Variants in CDH13 observed in about 807,000 individuals in gnomAD.
The protein encoded by CDH13 is cadherin 13.
Under a neutral mutation model 63.8 loss-of-function variants are expected in CDH13, and 24 were observed. The observed-to-expected ratio is 0.38, with a 90% CI of 0.27 to 0.53. CDH13 has a LOEUF of 0.53. Among genes scored for constraint, CDH13 ranks in the 20% least tolerant of loss-of-function variants. The pLI, the probability that CDH13 is intolerant of heterozygous loss-of-function variation, is 0.85. For missense variants in CDH13, 1,049 were observed against 903.1 expected (o/e 1.16, Z -2.07); for synonymous variants, 503 against 355.3 (o/e 1.42, Z -4.67).
At chr16:83,098,361 C>G (rs994201777) in intron 3 of CDH13, among the ~76,000 whole-genome samples, 5 of 152,132 alleles carry the variant, frequency 3.3e-5, no homozygotes, top group South Asian at 2.1e-4. Context: ...CATTACATTG[C>G]TATTATTTTT....
intron 1 of CDH13, among the ~76,000 whole-genome samples, chr16:82,810,074 T>G (rs1032809204): frequency 5.9e-5 from 9 of 152,168 alleles, no homozygotes; most frequent in Non-Finnish European, 1.0e-4. Context: ...TGATTAGGAA[T>G]TACTTAGTTG....
chr16:83,733,415 A>G (rs1597144658), intron 10 of CDH13, among the ~76,000 whole-genome samples: 1 of 152,108 alleles, frequency 6.6e-6, no homozygotes, highest in South Asian at 2.1e-4. Context: ...GTCTCTATAG[A>G]CGGTTGTCTA....
intron 1 of CDH13, among the ~76,000 whole-genome samples, chr16:82,784,314 G>C (rs938376694): frequency 2.6e-5 from 4 of 152,176 alleles, no homozygotes; most frequent in Admixed American, 6.5e-5. Flanking sequence ...CGCAGCATGT[G>C]GGAGAGGTTC....
chr16:83,078,059 C>G (rs375684099), intron 3 of CDH13, among the ~76,000 whole-genome samples: 1 of 152,162 alleles, frequency 6.6e-6, no homozygotes, highest in Non-Finnish European at 1.5e-5. Context: ...AAACTTGCAT[C>G]CTCCATCTGA....
At chr16:83,410,422 G>C (rs1195513693) in intron 6 of CDH13, among the ~76,000 whole-genome samples, 1 of 152,062 alleles carries the variant, frequency 6.6e-6, no homozygotes, top group South Asian at 2.1e-4. Flanking sequence ...AATTCATGTT[G>C]CATTTCTAAG....
intron 6 of CDH13, among the ~76,000 whole-genome samples, chr16:83,458,984 A>T (rs2073098818): frequency 6.6e-6 from 1 of 152,218 alleles, no homozygotes; most frequent in African/African-American, 2.4e-5. Flanking sequence ...ACAATTTTTC[A>T]TGGGGTTTTT....
At chr16:83,470,248 T>C (rs1044291260) in intron 6 of CDH13, among the ~76,000 whole-genome samples, 1 of 152,138 alleles carries the variant, frequency 6.6e-6, no homozygotes, top group African/African-American at 2.4e-5. Flanking sequence ...TAGAGAAAGG[T>C]GTCTCACCAT....
chr16:83,540,065 A>ATT (rs34129168), intron 7 of CDH13, among the ~76,000 whole-genome samples: 14 of 137,238 alleles, frequency 1.0e-4, no homozygotes, highest in East Asian at 4.3e-4. Flanking sequence ...TTGTCAATAA[A>ATT]TTTTTTTTTT....
chr16:83,512,720 G>C (rs1567726501), intron 7 of CDH13, among the ~76,000 whole-genome samples: 2 of 149,600 alleles, frequency 1.3e-5, no homozygotes, highest in Non-Finnish European at 2.9e-5. Context: ...AAAGTACATG[G>C]GGAAGGAATA....
intron 10 of CDH13, among the ~76,000 whole-genome samples, chr16:83,727,613 C>T (rs979466527): frequency 2.0e-5 from 3 of 152,018 alleles, no homozygotes; most frequent in East Asian, 1.9e-4. Context: ...GAAATATCAA[C>T]ATTGGAGATT....
chr16:82,963,795 G>C lies in CDH13; in HGVS notation c.158-68215G>C, dbSNP rs576505702. Among the ~76,000 whole-genome samples, 6 of 152,212 alleles carry C rather than the reference G, an allele frequency of 3.9e-5. No individual in the cohort carries two copies. The East Asian group carries it at 9.7e-4, about 25-fold the overall frequency. On this transcript the variant is annotated intron_variant, in intron 2 of 13. Coordinates refer to ENST00000567109, the MANE Select transcript of CDH13 (RefSeq NM_001257.5). Reference sequence around the variant, plus strand: ...TGAAGTACCCATTTCCCCTTGGCACGGGAAGCCCAGGGGAACAGCATTTTC... The same window carrying C: ...TGAAGTACCCATTTCCCCTTGGCACCGGAAGCCCAGGGGAACAGCATTTTC...
chr16:83,498,913 G>A (rs2074208741), intron 7 of CDH13, among the ~76,000 whole-genome samples: 1 of 152,174 alleles, frequency 6.6e-6, no homozygotes, highest in Admixed American at 6.5e-5. Context: ...TCGGTTTTAG[G>A]AGGCTATGGA....
intron 6 of CDH13, among the ~76,000 whole-genome samples, chr16:83,464,795 G>A (rs142970571): frequency 6.6e-6 from 1 of 152,238 alleles, no homozygotes; most frequent in Non-Finnish European, 1.5e-5. Flanking sequence ...GAGGACCCTA[G>A]TCAACCTAGT....
At chr16:83,448,751 A>G (rs1311654591) in intron 6 of CDH13, among the ~76,000 whole-genome samples, 1 of 152,144 alleles carries the variant, frequency 6.6e-6, no homozygotes, top group Non-Finnish European at 1.5e-5. Flanking sequence ...GGGAAGGTGA[A>G]CTTCAGTGGT....
intron 7 of CDH13, among the ~76,000 whole-genome samples, chr16:83,577,424 C>T (rs559929675): frequency 6.6e-6 from 1 of 152,226 alleles, no homozygotes; most frequent in African/African-American, 2.4e-5. Context: ...TTGGGTCCAG[C>T]TCTCTGGGGA....
chr16:82,783,509 C>G (rs951759464), intron 1 of CDH13, among the ~76,000 whole-genome samples: 2 of 152,172 alleles, frequency 1.3e-5, no homozygotes, highest in Admixed American at 6.5e-5. Flanking sequence ...AGGTGGGGTC[C>G]CAGTCCTGAG....
intron 7 of CDH13, among the ~76,000 whole-genome samples, chr16:83,592,067 T>G (rs1246937700): frequency 6.6e-6 from 1 of 152,178 alleles, no homozygotes; most frequent in African/African-American, 2.4e-5. Context: ...TCCCCTCCTT[T>G]GTAATTCCAC....
chr16:83,730,185 A>C (rs1053842523), intron 10 of CDH13, among the ~76,000 whole-genome samples: 2 of 152,212 alleles, frequency 1.3e-5, no homozygotes, highest in African/African-American at 2.4e-5. Context: ...TTGAAGGAGA[A>C]AATATAATTG....
intron 1 of CDH13, among the ~76,000 whole-genome samples, chr16:82,753,034 G>C (rs922080953): frequency 3.3e-5 from 5 of 152,206 alleles, no homozygotes; most frequent in Non-Finnish European, 7.3e-5. Context: ...ATTGAATCAT[G>C]AGTGCATGTA....
Sources: gnomAD v4.1 joint callset for allele counts (sites outside exome capture counted in the v4.1 genomes callset) on GRCh38, gnomAD v4.1.1 for gene constraint, MANE v1.5 for transcripts, NCBI Gene and HGNC (gene_info 2026-07-23, HGNC 2026-07-21) for gene names.